Variants in CLVS1 observed in about 807,000 individuals in gnomAD.
CLVS1 encodes the protein clavesin 1.
A neutral mutation model predicts 33.1 loss-of-function variants in CLVS1; 10 were observed. The observed-to-expected ratio is 0.30, with a 90% confidence interval of 0.19 to 0.51. The LOEUF is 0.51. Among genes scored for constraint, CLVS1 ranks in the 20% least tolerant of loss-of-function variants. CLVS1 has a pLI of 0.97. For synonymous variants in CLVS1, 163 were observed against 166.1 expected (o/e 0.98, Z 0.14); for missense variants, 343 against 433.4 (o/e 0.79, Z 1.85).
At chr8:61,216,168 A>G (rs1055584036) in intron 2 of CLVS1, among the ~76,000 whole-genome samples, 2 of 152,176 alleles carry the variant, frequency 1.3e-5, no homozygotes, top group Non-Finnish European at 2.9e-5. Context: ...TGAATTGTAC[A>G]CTGGCTTCTC....
At chr8:61,262,014 G>T (rs1374825652) in intron 2 of CLVS1, among the ~76,000 whole-genome samples, 1 of 142,396 alleles carries the variant, frequency 7.0e-6, no homozygotes, top group African/African-American at 2.8e-5. Context: ...GTGTGTGTGT[G>T]TGTGTGTGTG....
At chr8:61,393,001 A>G (rs1814369360) in intron 3 of CLVS1, among the ~76,000 whole-genome samples, 1 of 151,900 alleles carries the variant, frequency 6.6e-6, no homozygotes. Flanking sequence ...CTCCTGCCTC[A>G]GCCTCCTGAG....
intron 2 of CLVS1, among the ~76,000 whole-genome samples, chr8:61,346,286 T>A (rs1483161231): frequency 6.6e-6 from 1 of 151,982 alleles, no homozygotes; most frequent in African/African-American, 2.4e-5. Context: ...TCCCCAGAGG[T>A]GAAGCCAGGG....
intron 3 of CLVS1, among the ~76,000 whole-genome samples, chr8:61,391,663 G>A (rs180671823): frequency 1.9e-4 from 29 of 152,188 alleles, no homozygotes; most frequent in Non-Finnish European, 3.1e-4. Context: ...CATTTGTTGA[G>A]AGGAGTAATC....
At chr8:61,365,584 T>G (rs1040046681) in intron 2 of CLVS1, among the ~76,000 whole-genome samples, 1 of 152,110 alleles carries the variant, frequency 6.6e-6, no homozygotes, top group Non-Finnish European at 1.5e-5. Context: ...AGGAGTAATG[T>G]GACCATCTTA....
chr8:61,111,880 C>T (rs920834188), intron 1 of CLVS1, among the ~76,000 whole-genome samples: 5 of 151,928 alleles, frequency 3.3e-5, no homozygotes, highest in Admixed American at 2.6e-4. Flanking sequence ...TAGAGTTTTG[C>T]AGAAAATTGG....
chr8:61,356,830 T>C (rs1250117976), intron 2 of CLVS1, among the ~76,000 whole-genome samples: 1 of 152,236 alleles, frequency 6.6e-6, no homozygotes, highest in Non-Finnish European at 1.5e-5. Flanking sequence ...TGTAATATAG[T>C]TTGAAGTCAG....
At chr8:61,301,981 T>C (rs574593362) in intron 2 of CLVS1, among the ~76,000 whole-genome samples, 1 of 152,330 alleles carries the variant, frequency 6.6e-6, no homozygotes, top group African/African-American at 2.4e-5. Flanking sequence ...AACATTCTTA[T>C]GTTTCACGGG....
chr8:61,155,380 G>A (rs547555438), intron 2 of CLVS1, among the ~76,000 whole-genome samples: 1 of 152,332 alleles, frequency 6.6e-6, no homozygotes, highest in South Asian at 2.1e-4. Flanking sequence ...TCTGCCAAAA[G>A]GATGGCAACT....
intron 2 of CLVS1, among the ~76,000 whole-genome samples, chr8:61,149,569 C>CAAAAAAAAAAAAAAAAAAAA (rs1212944878): frequency 1.7e-5 from 2 of 120,274 alleles, no homozygotes; most frequent in South Asian, 2.8e-4. Context: ...AAAAAAAAAA[C>CAAAAAAAAAAAAAAAAAAAA]AAAAAACAAA....
chr8:61,206,049 G>C (rs971999439), intron 2 of CLVS1, among the ~76,000 whole-genome samples: 4 of 152,110 alleles, frequency 2.6e-5, no homozygotes, highest in African/African-American at 9.7e-5. Flanking sequence ...TATCTGTCAA[G>C]CGTATAAGTA....
At chr8:61,321,204 G>C (rs1811183114) in intron 2 of CLVS1, among the ~76,000 whole-genome samples, 1 of 152,022 alleles carries the variant, frequency 6.6e-6, no homozygotes, top group African/African-American at 2.4e-5. Flanking sequence ...GGAGAATTCT[G>C]CATGCTTCAG....
At chr8:61,105,976 T>C (rs1805529978) in intron 1 of CLVS1, among the ~76,000 whole-genome samples, 2 of 152,190 alleles carry the variant, frequency 1.3e-5, no homozygotes. Context: ...CAGAAGCCGG[T>C]TGTAGTTCTG....
At chr8:61,048,272 G>A in the CLVS1 span, among the ~76,000 whole-genome samples, 1 of 152,240 alleles carries the variant, frequency 6.6e-6, no homozygotes, top group East Asian at 1.9e-4. Context: ...TGGCAGAGCA[G>A]GGCATGGTAA....
At chr8:61,351,049 C>T (rs974381502) in intron 2 of CLVS1, among the ~76,000 whole-genome samples, 4 of 152,068 alleles carry the variant, frequency 2.6e-5, no homozygotes, top group Non-Finnish European at 4.4e-5. Context: ...TATGGGTATC[C>T]TCTGAATCTG....
At chr8:61,192,656 C>G (rs944228149) in intron 2 of CLVS1, among the ~76,000 whole-genome samples, 2 of 152,088 alleles carry the variant, frequency 1.3e-5, no homozygotes, top group African/African-American at 4.8e-5. Flanking sequence ...CTACAAAGAA[C>G]TCAAACAAAT....
At chr8:61,069,591 C>T (rs898215581) in intron 1 of CLVS1, among the ~76,000 whole-genome samples, 2 of 152,102 alleles carry the variant, frequency 1.3e-5, no homozygotes, top group African/African-American at 4.8e-5. Context: ...GCATCTCATG[C>T]ACCTTGCCTT....
intron 2 of CLVS1, among the ~76,000 whole-genome samples, chr8:61,254,513 C>A (rs1213699479): frequency 1.3e-5 from 2 of 152,210 alleles, no homozygotes; most frequent in Admixed American, 6.5e-5. Context: ...GCCCTGCCCC[C>A]AGAAGTGGAG....
chr8:61,356,037 A>G (rs1223285939), intron 2 of CLVS1, among the ~76,000 whole-genome samples: 1 of 152,162 alleles, frequency 6.6e-6, no homozygotes, highest in Non-Finnish European at 1.5e-5. Context: ...CCAACAGTGT[A>G]AAAGTGTTCC....
Sources: gnomAD v4.1 joint callset for allele counts (sites outside exome capture counted in the v4.1 genomes callset) on GRCh38, gnomAD v4.1.1 for gene constraint, MANE v1.5 for transcripts, NCBI Gene and HGNC (gene_info 2026-07-23, HGNC 2026-07-21) for gene names.